Variants in DDX10 observed in about 807,000 individuals in gnomAD.
DDX10 encodes probable ATP-dependent RNA helicase DDX10.
DDX10 carries 74 observed loss-of-function variants against 104.3 expected under a neutral mutation model. That is an observed-to-expected ratio of 0.71 (90% CI 0.59 to 0.86). The LOEUF is 0.86. DDX10 is among the 40% of genes least tolerant of loss of function. DDX10 has a pLI of 0.00. For missense variants in DDX10, 952 were observed against 1,040.0 expected, an observed-to-expected ratio of 0.92 and a Z score of 1.16; for synonymous variants, 351 against 353.4, an observed-to-expected ratio of 0.99 and a Z score of 0.08.
intron 13 of DDX10, among the ~76,000 whole-genome samples, chr11:108,755,562 G>T (rs2094343464): frequency 6.6e-6 from 1 of 151,966 alleles, no homozygotes; most frequent in African/African-American, 2.4e-5. Flanking sequence ...GAACTGTCTA[G>T]CCCTTTATAG....
intron 14 of DDX10, 92 bp from the exon 15 acceptor site, chr11:108,841,223 T>A (rs1862632428): frequency 1.9e-6 from 2 of 1,068,068 alleles, no homozygotes; most frequent in South Asian, 1.5e-5. Flanking sequence ...AAAATGGGTA[T>A]CTGCACCTTT....
intron 16 of DDX10, among the ~76,000 whole-genome samples, chr11:108,881,420 C>T (rs1247265665): frequency 6.6e-6 from 1 of 152,178 alleles, no homozygotes; most frequent in Non-Finnish European, 1.5e-5. Flanking sequence ...CAAGGTCTGT[C>T]TATTTCATAA....
intron 11 of DDX10, among the ~76,000 whole-genome samples, chr11:108,717,350 T>C (rs937066807): frequency 6.6e-6 from 1 of 152,158 alleles, no homozygotes; most frequent in African/African-American, 2.4e-5. Context: ...GCTTTTATTA[T>C]CCAGGCTGGA....
intron 6 of DDX10, among the ~76,000 whole-genome samples, chr11:108,680,793 C>T (rs2094233792): frequency 6.6e-6 from 1 of 152,100 alleles, no homozygotes; most frequent in African/African-American, 2.4e-5. Context: ...TATTCAGGCC[C>T]ATCTTGACCT....
chr11:108,705,424 C>T (rs1346207583), intron 9 of DDX10, among the ~76,000 whole-genome samples: 3 of 152,138 alleles, frequency 2.0e-5, no homozygotes, highest in African/African-American at 7.2e-5. Flanking sequence ...TTTTGTTTTT[C>T]TCTGGCTAAC....
rs2094277041 is a variant in DDX10 at position 108,706,969 on chromosome 11, C to T, written c.1322+132C>T. 5.7e-6 allele frequency: 4 copies of T among 698,294 alleles called. No homozygotes were observed. The East Asian group carries it at 1.0e-4, about 18-fold the overall frequency. The allele number at this position is 698,294 out of a possible 1,614,324, so 43.3% of individuals were successfully genotyped here. The stretch of plus-strand genomic sequence containing the variant: ...CTGGTTTGACTTTTATAAAAAGGCT[C>T]TTTTTAGAACAGTTTTAGGTTCACA... On this transcript the variant is annotated intron_variant, in intron 10 of 17. Coordinates refer to ENST00000322536, the MANE Select transcript of DDX10 (RefSeq NM_004398.4).
At chr11:108,885,587 C>T (rs929094996) in intron 16 of DDX10, among the ~76,000 whole-genome samples, 9 of 152,006 alleles carry the variant, frequency 5.9e-5, no homozygotes, top group African/African-American at 2.2e-4. Context: ...GTTGGCCAGG[C>T]TGGTCTAGAA....
At chr11:108,838,920 C>G (rs1190826305) in intron 14 of DDX10, among the ~76,000 whole-genome samples, 1 of 152,222 alleles carries the variant, frequency 6.6e-6, no homozygotes. Context: ...TTGCTTCACT[C>G]AGAAAAGCTT....
At chr11:108,681,188 A>G (rs778649266) in intron 6 of DDX10, among the ~76,000 whole-genome samples, 1 of 152,072 alleles carries the variant, frequency 6.6e-6, no homozygotes, top group Non-Finnish European at 1.5e-5. Context: ...ATTTGTACGT[A>G]TTATTTCCTA....
At chr11:108,926,086 C>T (rs1863905035) in intron 17 of DDX10, among the ~76,000 whole-genome samples, 1 of 151,786 alleles carries the variant, frequency 6.6e-6, no homozygotes, top group Admixed American at 6.6e-5. Flanking sequence ...GTTCTACATG[C>T]AGATTAGCTG....
At position 108,868,910 on chromosome 11, in the gene DDX10, G is replaced by C. The variant is rs544872482; in HGVS notation, c.2304+16701G>C. Among the ~76,000 whole-genome samples, 10 of 150,316 alleles carry C rather than the reference G, an allele frequency of 6.7e-5. No homozygotes were observed. The South Asian group carries it at 2.1e-3, about 32-fold the overall frequency. On this transcript the variant is annotated intron_variant, in intron 16 of 17. Coordinates refer to ENST00000322536, the MANE Select transcript of DDX10 (RefSeq NM_004398.4). Reference sequence around the variant, plus strand: ...AGGAGCTTTCTATTGAGTTTATACAGATGAAAAAACTGAGGGTTAAAGAGG... The same window carrying C: ...AGGAGCTTTCTATTGAGTTTATACACATGAAAAAACTGAGGGTTAAAGAGG...
intron 13 of DDX10, among the ~76,000 whole-genome samples, chr11:108,832,969 C>T (rs893941713): frequency 1.3e-5 from 2 of 152,076 alleles, no homozygotes; most frequent in African/African-American, 4.8e-5. Context: ...GGAGAGAAAC[C>T]GAGGTTGCTG....
chr11:108,885,113 T>C (rs10502103), intron 16 of DDX10, among the ~76,000 whole-genome samples: 22,133 of 152,128 alleles, frequency 0.15, 1,659 homozygotes, highest in East Asian at 0.25. Flanking sequence ...TTTGTCACAT[T>C]GTTTGTTTTT....
intron 13 of DDX10, among the ~76,000 whole-genome samples, chr11:108,782,460 C>T (rs1861719315): frequency 6.6e-6 from 1 of 152,158 alleles, no homozygotes; most frequent in Admixed American, 6.6e-5. Flanking sequence ...AGATCCCTTT[C>T]TGCATGCTTC....
intron 12 of DDX10, among the ~76,000 whole-genome samples, chr11:108,720,578 C>G (rs999419541): frequency 6.6e-6 from 1 of 151,914 alleles, no homozygotes; most frequent in African/African-American, 2.4e-5. Flanking sequence ...TTTGTTTTGG[C>G]TTAGTATTTG....
At chr11:108,860,347 A>ATT (rs1327274268) in intron 16 of DDX10, among the ~76,000 whole-genome samples, 1 of 152,220 alleles carries the variant, frequency 6.6e-6, no homozygotes, top group Non-Finnish European at 1.5e-5. Context: ...TAAATGACAT[A>ATT]TACCACTGTA....
intron 9 of DDX10, among the ~76,000 whole-genome samples, chr11:108,701,223 T>C (rs1371802824): frequency 3.3e-5 from 5 of 152,278 alleles, no homozygotes; most frequent in Middle Eastern, 6.8e-3. Context: ...TTGTACCATG[T>C]TGTGCAGGAG....
At chr11:108,669,124 C>G (rs2094213826) in intron 1 of DDX10, among the ~76,000 whole-genome samples, 3 of 150,256 alleles carry the variant, frequency 2.0e-5, no homozygotes, top group Admixed American at 2.0e-4. Flanking sequence ...GATGGAGTCT[C>G]ACTCTATCAC....
In DDX10 at chr11:108,723,261, T is replaced by A; in HGVS notation, c.1764T>A (p.Asp588Glu). 1 of 1,613,228 alleles carries A rather than the reference T, an allele frequency of 6.2e-7. No homozygotes were observed. The highest frequency in any genetic ancestry group is 8.5e-7 in the Non-Finnish European group (1 of 1,179,688). ...GNEEQEEEED[D>E]EEEMEEKLAK... ...AAGAACAGGAAGAAGAAGAAGACGA[T>A]GAAGAAGAAATGGAAGAGAAACTGG... The change falls in exon 13 of 18, where the codon GAT becomes GAA. Residue 588 changes from aspartate to glutamate, a missense_variant. Transcript: ENST00000322536.
Sources: allele counts gnomAD v4.1 joint callset (sites outside exome capture counted in the v4.1 genomes callset), GRCh38; gene constraint gnomAD v4.1.1; transcripts MANE v1.5; gene names NCBI Gene and HGNC (gene_info 2026-07-23, HGNC 2026-07-21).